Variants in HNRNPUL2 observed in about 807,000 individuals in gnomAD.
The protein encoded by HNRNPUL2 is heterogeneous nuclear ribonucleoprotein U like 2, also known as heterogeneous nuclear ribonucleoprotein U-like protein 2.
HNRNPUL2 carries 27 observed loss-of-function variants against 102.2 expected under a neutral mutation model. The ratio of observed to expected loss-of-function variants is 0.26; its 90% CI spans 0.19 to 0.36. The LOEUF (loss-of-function observed/expected upper bound fraction) is 0.36, where lower values mean the gene tolerates loss of function less well. Ranked by LOEUF, HNRNPUL2 falls within the 10% of genes least tolerant of loss-of-function variation. The pLI is 1.00. For missense variants in HNRNPUL2, 936 were observed against 981.1 expected, an observed-to-expected ratio of 0.95 and a Z score of 0.61; for synonymous variants, 458 against 387.2, an observed-to-expected ratio of 1.18 and a Z score of -2.15.
rs569342391 is a variant in HNRNPUL2, at chr11:62,720,853, G to A, written c.1611+442C>T. Among the ~76,000 whole-genome samples, 24 of 109,984 alleles carry A rather than the reference G, an allele frequency of 2.2e-4. No homozygotes were observed. In the East Asian group the frequency reaches 5.9e-3, roughly 27 times the overall value. The allele number at this position is 109,984 out of a possible 152,430, so 72.2% of individuals were successfully genotyped here. A position where few individuals can be genotyped will look rare whatever the true frequency, so the allele number is the denominator to read the frequency against. On this transcript the variant is annotated intron_variant, in intron 9 of 13. Transcript: ENST00000301785. ...CACTCCAGCCTGGGCGACAGAGCGA[G>A]ACTCGGTCTCAAAAAAAAAAAAAAA...
rs1316574390 is a variant in HNRNPUL2 at position 62,721,219 on chromosome 11, G to A, written c.1611+76C>T. 8.8e-6 allele frequency: 12 copies of A among 1,358,942 alleles called. 1 individual carries two copies. In the Middle Eastern group the frequency reaches 1.3e-3, roughly 150 times the overall value. The allele number at this position is 1,358,942 out of a possible 1,614,324, so 84.2% of individuals were successfully genotyped here. Reference sequence around the variant, plus strand: ...CCAGATGGTCATAATTAGGTAAGCTGACTCTGCTCCTTAATTCAGTCTCTC... The same window carrying A: ...CCAGATGGTCATAATTAGGTAAGCTAACTCTGCTCCTTAATTCAGTCTCTC... On this transcript the variant is annotated intron_variant, in intron 9 of 13. Coordinates refer to ENST00000301785, the MANE Select transcript of HNRNPUL2 (RefSeq NM_001079559.3).
At chr11:62,722,756 A>G in intron 5 of HNRNPUL2, 43 bp from the exon 6 acceptor site, 1 of 1,605,566 alleles carries the variant, frequency 6.2e-7, no homozygotes, top group Non-Finnish European at 8.5e-7. Context: ...CGGACTTCCC[A>G]TAGAGTAAGC....
chr11:62,720,412 G>T (rs558171975), intron 9 of HNRNPUL2, among the ~76,000 whole-genome samples: 1 of 152,112 alleles, frequency 6.6e-6, no homozygotes, highest in East Asian at 1.9e-4. Flanking sequence ...CGGCATGATG[G>T]TGGGTGCTGT....
In HNRNPUL2 at chr11:62,715,776, A is replaced by T. The variant is rs2083655698; in HGVS notation, c.2055+88T>A. 6.0e-6 allele frequency: 8 copies of T among 1,339,158 alleles called. No homozygotes were observed. In the South Asian group the frequency reaches 9.5e-5, roughly 16 times the overall value. The allele number at this position is 1,339,158 out of a possible 1,614,324, so 83.0% of individuals were successfully genotyped here. A position where few individuals can be genotyped will look rare whatever the true frequency, so the allele number is the denominator to read the frequency against. Reference sequence around the variant, plus strand: ...TAAATGGGCAAAACCCTAAGCCCTAAGAAAACAGGCAAACCACTCTGCTCC... The same window carrying T: ...TAAATGGGCAAAACCCTAAGCCCTATGAAAACAGGCAAACCACTCTGCTCC... On this transcript the variant is annotated intron_variant, in intron 12 of 13. Coordinates refer to ENST00000301785, the MANE Select transcript of HNRNPUL2 (RefSeq NM_001079559.3).
intron 11 of HNRNPUL2, among the ~76,000 whole-genome samples, chr11:62,716,154 CTTTG>C (rs1237626015): frequency 1.3e-5 from 2 of 152,180 alleles, no homozygotes; most frequent in Non-Finnish European, 2.9e-5. Context: ...AACCAAGCCA[CTTTG>C]TTTTTGAAGC....
Position 62,727,092 on chromosome 11 carries a change from G to A in HNRNPUL2, c.65C>T (p.Ser22Leu). 1.4e-6 allele frequency: 2 copies of A among 1,445,298 alleles called. No homozygotes were observed. The highest frequency in any genetic ancestry group is 1.8e-6 in the Non-Finnish European group (2 of 1,101,070). The allele number at this position is 1,445,298 out of a possible 1,614,324, so 89.5% of individuals were successfully genotyped here. A position where few individuals can be genotyped will look rare whatever the true frequency, so the allele number is the denominator to read the frequency against. The change falls in exon 1 of 14, where the codon TCG (serine) becomes TTG (leucine). Residue 22 changes from serine to leucine, a missense_variant. Transcript: ENST00000301785. Reference sequence around the variant, plus strand: ...CGCCAGATCCACCTTGAGGCCGCGCGAGTCCAGGCCCCGCCGCTGCAGCTC... The same window carrying A: ...CGCCAGATCCACCTTGAGGCCGCGCAAGTCCAGGCCCCGCCGCTGCAGCTC... ...RSELQRRGLD[S>L]RGLKVDLAQR...
At chr11:62,725,539 A>T (rs1481153564) in intron 1 of HNRNPUL2, among the ~76,000 whole-genome samples, 2 of 152,206 alleles carry the variant, frequency 1.3e-5, no homozygotes, top group Non-Finnish European at 2.9e-5. Context: ...TGGGATATAC[A>T]TAAGTCAAAG....
Position 62,727,199 on chromosome 11 carries a change from C to T in HNRNPUL2, c.-43G>A. On this transcript the variant is annotated 5_prime_UTR_variant, in exon 1 of 14. Transcript: ENST00000301785. ...CCGCCTCCCGCCGCCTCCTCCCCTGCGAACCGTCGACCGAGTCCGACCGCG... is the reference window on the plus strand; with the variant it reads ...CCGCCTCCCGCCGCCTCCTCCCCTGTGAACCGTCGACCGAGTCCGACCGCG... The T allele has an allele frequency of 7.3e-7, 1 of 1,375,202 alleles. No homozygotes were observed. Among genetic ancestry groups the T allele is most frequent in the Non-Finnish European group, 9.4e-7 (1 of 1,064,838 alleles). The allele number at this position is 1,375,202 out of a possible 1,614,324, so 85.2% of individuals were successfully genotyped here.
chr11:62,725,132 G>A (rs1021900161), intron 1 of HNRNPUL2, among the ~76,000 whole-genome samples: 5 of 152,168 alleles, frequency 3.3e-5, no homozygotes, highest in Non-Finnish European at 7.4e-5. Context: ...TTTTTCCCTA[G>A]GCTTCTGTAT....
chr11:62,713,264 A>T lies in HNRNPUL2; in HGVS notation c.*2035T>A, dbSNP rs2083632976. On this transcript the variant is annotated 3_prime_UTR_variant, in exon 14 of 14. Coordinates refer to ENST00000301785, the MANE Select transcript of HNRNPUL2 (RefSeq NM_001079559.3). ...AAAGATGCTATTTGCAGGACTAAAC[A>T]TCTGAAAAGGGGTGGCAGCCACTGC... 6.6e-6 allele frequency: 1 copy of T among 152,242 alleles called. No individual in the cohort carries two copies. The highest frequency in any genetic ancestry group is 2.4e-5 in the African/African-American group (1 of 41,460). The allele number at this position is 152,242 out of a possible 1,614,324, so 9.4% of individuals were successfully genotyped here.
Position 62,720,066 on chromosome 11 carries a change from T to G in HNRNPUL2, c.1737A>C (p.Val579=). The G allele has an allele frequency of 6.2e-7, 1 of 1,614,210 alleles. No individual in the cohort carries two copies. The highest frequency in any genetic ancestry group is 1.6e-4 in the Middle Eastern group (1 of 6,062). ...WKKRLELRKE[V]EGDDVPESIM... is the part of the protein sequence containing the mutation. ...TAGATTCAGGCACATCATCTCCCTC[T>G]ACTTCCTTCCTCAACTCCAGCCTCT... The change falls in exon 10 of 14, where the codon GTA becomes GTC. Residue 579 remains valine (V), a synonymous_variant. Transcript: ENST00000301785.
chr11:62,716,068 A>G (rs1331155836), intron 11 of HNRNPUL2, 131 bp from the exon 12 acceptor site: 15 of 614,536 alleles, frequency 2.4e-5, no homozygotes, highest in Admixed American at 1.4e-4. Flanking sequence ...CCAGGCTCAC[A>G]CATGTTAATT....
Position 62,723,975 on chromosome 11 carries a change from C to T in HNRNPUL2, c.690G>A (p.Leu230=). ...EAYHSRSKSP[L]PPEEEAKDEE... ...CATCTTTTGCCTCTTCTTCAGGAGG[C>T]AGTGGAGACTTTGAGCTATATATGT... The change falls in exon 3 of 14, where the codon CTG becomes CTA. Residue 230 remains leucine (L), a synonymous_variant. Coordinates refer to ENST00000301785, the MANE Select transcript of HNRNPUL2 (RefSeq NM_001079559.3). The T allele has an allele frequency of 6.2e-7, 1 of 1,613,808 alleles. No homozygotes were observed. Among genetic ancestry groups the T allele is most frequent in the Non-Finnish European group, 8.5e-7 (1 of 1,179,736 alleles).
intron 8 of HNRNPUL2, 114 bp downstream of exon 8, chr11:62,721,706 A>T (rs149590590): frequency 1.6e-6 from 2 of 1,258,148 alleles, no homozygotes; most frequent in Admixed American, 2.3e-5. Context: ...GAAAAATCTC[A>T]TTTCTCTATT....
chr11:62,723,006 CCTCAACTCAACATCAGAAT>C (rs1364367591), intron 4 of HNRNPUL2, 103 bp from the exon 5 acceptor site: 2 of 783,706 alleles, frequency 2.6e-6, no homozygotes, highest in African/African-American at 3.5e-5. Context: ...ACGACATTTA[CCTCAACTCAACATCAGAAT>C]AACAATCACT....
intron 4 of HNRNPUL2, 25 bp from the exon 5 acceptor site, chr11:62,722,928 T>C (rs759764222): frequency 6.3e-6 from 10 of 1,588,902 alleles, no homozygotes; most frequent in Non-Finnish European, 7.8e-6. Context: ...AAGGGAACTA[T>C]TAGATATTGT....
chr11:62,727,146 T>A lies in HNRNPUL2; in HGVS notation c.11A>T (p.Lys4Met). MEV[K>M]RLKVTELRSE... is the part of the protein sequence containing the mutation. ...CCGCAGCTCGGTCACTTTCAGCCGCTTCACCTCCATCGCCGCCGCCGCCTC... is the reference window on the plus strand; with the variant it reads ...CCGCAGCTCGGTCACTTTCAGCCGCATCACCTCCATCGCCGCCGCCGCCTC... The change falls in exon 1 of 14, where the codon AAG becomes ATG. Residue 4 changes from lysine (K) to methionine (M), a missense_variant. Physicochemically the swap from Lys to Met is moderately conservative, Grantham distance 95. Coordinates refer to ENST00000301785, the MANE Select transcript of HNRNPUL2 (RefSeq NM_001079559.3). 1 of 1,438,264 alleles carries A rather than the reference T, an allele frequency of 7.0e-7. No individual in the cohort carries two copies. The allele number at this position is 1,438,264 out of a possible 1,614,324, so 89.1% of individuals were successfully genotyped here.
Position 62,727,155 on chromosome 11 carries a change from A to ATCGTCG in HNRNPUL2, c.1_2insCGACGA (p.Arg1_?0), listed in dbSNP as rs947382289. ...GGTCACTTTCAGCCGCTTCACCTCC[A>ATCGTCG]TCGCCGCCGCCGCCTCCTCCGCCTC... On this transcript the variant is annotated start_lost and start_retained_variant, in exon 1 of 14. Transcript: ENST00000301785. 4 of 1,416,426 alleles carry ATCGTCG rather than the reference A, an allele frequency of 2.8e-6. No individual in the cohort carries two copies. In the African/African-American group the frequency reaches 6.1e-5, roughly 22 times the overall value. The allele number at this position is 1,416,426 out of a possible 1,614,324, so 87.7% of individuals were successfully genotyped here. A position where few individuals can be genotyped will look rare whatever the true frequency, so the allele number is the denominator to read the frequency against.
chr11:62,721,268 C>A, intron 9 of HNRNPUL2, 27 bp downstream of exon 9: 1 of 1,592,042 alleles, frequency 6.3e-7, no homozygotes, highest in Non-Finnish European at 8.5e-7. Context: ...CCCACCTTGA[C>A]TCTAGGCAAT....
Sources: allele counts gnomAD v4.1 joint callset (sites outside exome capture counted in the v4.1 genomes callset), GRCh38; gene constraint gnomAD v4.1.1; transcripts MANE v1.5; gene names NCBI Gene and HGNC (gene_info 2026-07-23, HGNC 2026-07-21).